CCDC38: variants seen among roughly 807,000 people sequenced by gnomAD.
CCDC38 encodes coiled-coil domain-containing protein 38.
Under a neutral mutation model 72.8 loss-of-function variants are expected in CCDC38, and 69 were observed. The ratio of observed to expected loss-of-function variants is 0.95; its 90% CI spans 0.78 to 1.16. CCDC38 has a LOEUF of 1.16. CCDC38 is among the 50% of genes most tolerant of loss of function. The probability of loss-of-function intolerance (pLI) is 0.00; values close to 1 mark genes in which losing one functional copy is unlikely to be tolerated. For synonymous variants in CCDC38, 201 were observed against 213.2 expected (o/e 0.94, Z 0.50); for missense variants, 626 against 638.9 (o/e 0.98, Z 0.22).
rs746895617 is a variant in CCDC38, at chr12:95,867,158, G to A, written c.1610C>T (p.Pro537Leu). ...TAGCTGCTGTTTGTTACCAGATGGA[G>A]GTTTTGAATGAAAGACAAGTCGTCT... ...LGRRLVFHSKPPSGNKQQLPL... is the reference protein window; with the variant it reads ...LGRRLVFHSKLPSGNKQQLPL... Residue 537 changes from proline to leucine, a missense_variant, in exon 16 of 16, where the codon CCT becomes CTT. Physicochemically the swap from Pro to Leu is moderately conservative, Grantham distance 98. Coordinates refer to ENST00000344280, the MANE Select transcript of CCDC38 (RefSeq NM_182496.3). 6.2e-7 allele frequency: 1 copy of A among 1,606,308 alleles called. No homozygotes were observed. Among genetic ancestry groups the A allele is most frequent in the African/African-American group, 1.3e-5 (1 of 74,758 alleles).
chr12:95,894,487 T>A (rs535248538), intron 8 of CCDC38, among the ~76,000 whole-genome samples: 1 of 152,338 alleles, frequency 6.6e-6, no homozygotes, highest in South Asian at 2.1e-4. Context: ...GCTTAGGTCA[T>A]GGGGGTAGAC....
intron 2 of CCDC38, among the ~76,000 whole-genome samples, chr12:95,929,723 C>T (rs1565968466): frequency 6.6e-6 from 1 of 152,170 alleles, no homozygotes; most frequent in Non-Finnish European, 1.5e-5. Flanking sequence ...TTTCTGAACA[C>T]CAAGTATATT....
chr12:95,925,716 T>C (rs1356837291), intron 2 of CCDC38, among the ~76,000 whole-genome samples: 1 of 152,140 alleles, frequency 6.6e-6, no homozygotes, highest in Non-Finnish European at 1.5e-5. Flanking sequence ...ATACGTCCCA[T>C]CAATACCTAA....
chr12:95,929,131 C>A (rs1447486566), intron 2 of CCDC38, among the ~76,000 whole-genome samples: 1 of 152,234 alleles, frequency 6.6e-6, no homozygotes, highest in Non-Finnish European at 1.5e-5. Context: ...GGCACCCCTA[C>A]CCCAGCCTCA....
intron 5 of CCDC38, among the ~76,000 whole-genome samples, chr12:95,900,618 G>T (rs1002735537): frequency 1.3e-5 from 2 of 152,080 alleles, no homozygotes; most frequent in Admixed American, 6.6e-5. Flanking sequence ...TCTGCATATA[G>T]TTAGTCTGCT....
chr12:95,876,259 A>C (rs908233972), intron 13 of CCDC38, among the ~76,000 whole-genome samples: 1 of 152,188 alleles, frequency 6.6e-6, no homozygotes, highest in Admixed American at 6.5e-5. Flanking sequence ...ATTCAGAGAG[A>C]CGAAGTAAAA....
intron 5 of CCDC38, among the ~76,000 whole-genome samples, chr12:95,902,274 A>C (rs1015059168): frequency 6.6e-6 from 1 of 152,184 alleles, no homozygotes; most frequent in Non-Finnish European, 1.5e-5. Context: ...AAGTTTTGAC[A>C]TATGTATATA....
chr12:95,878,090 C>T, intron 13 of CCDC38, 121 bp downstream of exon 13: 1 of 1,135,932 alleles, frequency 8.8e-7, no homozygotes, highest in Non-Finnish European at 1.3e-6. Flanking sequence ...CTTTCCACTT[C>T]TGTCATCAAT....
intron 4 of CCDC38, among the ~76,000 whole-genome samples, chr12:95,908,326 GCGGCGCGCGCCTGCAAT>G (rs1565956958): frequency 6.7e-6 from 1 of 150,302 alleles, no homozygotes; most frequent in Non-Finnish European, 1.5e-5. Context: ...GTCAGGCGTG[GCGGCGCGCGCCTGCAAT>G]CGCAGGCACT....
chr12:95,896,895 T>G (rs1369882276), intron 7 of CCDC38, among the ~76,000 whole-genome samples: 1 of 152,242 alleles, frequency 6.6e-6, no homozygotes, highest in East Asian at 1.9e-4. Context: ...TCGGCGGCTA[T>G]TGTGCATAAA....
At chr12:95,921,571 G>C (rs2080208978) in intron 2 of CCDC38, among the ~76,000 whole-genome samples, 1 of 152,072 alleles carries the variant, frequency 6.6e-6, no homozygotes, top group South Asian at 2.1e-4. Flanking sequence ...ACTATCACAA[G>C]AGCATGGGGG....
rs2079869281 is a variant in CCDC38, at chr12:95,894,935, T to C, written c.772+54A>G. 3 of 1,371,390 alleles carry C rather than the reference T, an allele frequency of 2.2e-6. No homozygotes were observed. In the Admixed American group the frequency reaches 6.8e-5, roughly 31 times the overall value. The allele number at this position is 1,371,390 out of a possible 1,614,324, so 85.0% of individuals were successfully genotyped here. ...TTTAGATAAAAAACATTGAAGCAGA[T>C]GATTTTAGAGTTAGGGATATTTAGT... On this transcript the variant is annotated intron_variant, in intron 8 of 15. Transcript: ENST00000344280.
chr12:95,904,231 T>A (rs2079978591), intron 5 of CCDC38, among the ~76,000 whole-genome samples: 1 of 152,232 alleles, frequency 6.6e-6, no homozygotes, highest in Non-Finnish European at 1.5e-5. Context: ...ATGTCCCAAC[T>A]CTGCTATAAA....
intron 4 of CCDC38, among the ~76,000 whole-genome samples, chr12:95,907,921 A>G (rs2080029805): frequency 6.9e-6 from 1 of 144,706 alleles, no homozygotes; most frequent in Admixed American, 6.9e-5. Context: ...CCTAGATGGG[A>G]TGGCGGCTGG....
In CCDC38 at chr12:95,895,068, A is replaced by G. The variant is rs1284960130; in HGVS notation, c.693T>C (p.His231=). ...GFFLLQMSPK[H]WQIQQALKRA... Reference sequence around the variant, plus strand: ...TTTTTAGTGCTTGCTGGATTTGCCAATGTTTTGGAGACATTTGCAGCAGAA... The same window carrying G: ...TTTTTAGTGCTTGCTGGATTTGCCAGTGTTTTGGAGACATTTGCAGCAGAA... The change falls in exon 8 of 16, where the codon CAT becomes CAC. Residue 231 remains histidine (H), a synonymous_variant. Coordinates refer to ENST00000344280, the MANE Select transcript of CCDC38 (RefSeq NM_182496.3). 9 of 1,613,284 alleles carry G rather than the reference A, an allele frequency of 5.6e-6. No individual in the cohort carries two copies. The highest frequency in any genetic ancestry group is 1.6e-4 in the Middle Eastern group (1 of 6,080).
intron 1 of CCDC38, 145 bp from the exon 2 acceptor site, chr12:95,936,668 C>T (rs547626386): frequency 1.9e-6 from 1 of 534,212 alleles, no homozygotes; most frequent in Non-Finnish European, 3.2e-6. Context: ...CCAGCAATTT[C>T]AATTCTGGTA....
At chr12:95,909,068 TGA>T (rs1167433181) in intron 4 of CCDC38, among the ~76,000 whole-genome samples, 1 of 151,468 alleles carries the variant, frequency 6.6e-6, no homozygotes, top group East Asian at 1.9e-4. Flanking sequence ...TAAATGAAAT[TGA>T]GACAAAAAAA....
Position 95,917,226 on chromosome 12 carries a change from A to G in CCDC38, c.207T>C (p.His69=), listed in dbSNP as rs2080154736. ...AGAAAGCTAGTTGGCTCAGGTATGAATGACTCTTCATTCTGGATGAAAAAG... is the reference window on the plus strand; with the variant it reads ...AGAAAGCTAGTTGGCTCAGGTATGAGTGACTCTTCATTCTGGATGAAAAAG... ...KTTFSSRMKS[H]SYLSQLAFYP... Residue 69 remains histidine (H), a synonymous_variant, in exon 4 of 16, where the codon CAT becomes CAC. Transcript: ENST00000344280. The G allele has an allele frequency of 6.2e-7, 1 of 1,609,174 alleles. No individual in the cohort carries two copies. Among genetic ancestry groups the G allele is most frequent in the South Asian group, 1.1e-5 (1 of 89,680 alleles).
chr12:95,907,272 CT>C (rs2080015821), intron 4 of CCDC38, among the ~76,000 whole-genome samples: 2 of 144,902 alleles, frequency 1.4e-5, no homozygotes, highest in Non-Finnish European at 3.0e-5. Flanking sequence ...TTTTCCCCAC[CT>C]TTCCCCCCTT....
Sources: gnomAD v4.1 joint callset for allele counts (sites outside exome capture counted in the v4.1 genomes callset) on GRCh38, gnomAD v4.1.1 for gene constraint, MANE v1.5 for transcripts, NCBI Gene and HGNC (gene_info 2026-07-23, HGNC 2026-07-21) for gene names.